The following ZCWPW2 variants were observed in gnomAD, a reference collection of about 807,000 sequenced individuals.
The protein encoded by ZCWPW2 is zinc finger CW-type PWWP domain protein 2.
Under a neutral mutation model 46.6 loss-of-function variants are expected in ZCWPW2, and 45 were observed. That is an observed-to-expected ratio of 0.96 (90% CI 0.76 to 1.24). The LOEUF is 1.24. ZCWPW2 is among the 50% of genes most tolerant of loss of function. The pLI is 0.00. For synonymous variants in ZCWPW2, 152 were observed against 137.1 expected (o/e 1.11, Z -0.76); for missense variants, 429 against 403.9 (o/e 1.06, Z -0.53).
At chr3:28,354,331 A>G (rs1317863922) in intron 1 of ZCWPW2, among the ~76,000 whole-genome samples, 1 of 147,444 alleles carries the variant, frequency 6.8e-6, no homozygotes, top group African/African-American at 2.5e-5. Context: ...TGAATAGACC[A>G]ATAACAGGCT....
At chr3:28,465,488 G>A (rs929306501) in intron 4 of ZCWPW2, among the ~76,000 whole-genome samples, 1 of 152,040 alleles carries the variant, frequency 6.6e-6, no homozygotes. Flanking sequence ...TTAAATAAAT[G>A]CGAATTACTT....
At chr3:28,391,084 A>C (rs981187086) in intron 2 of ZCWPW2, among the ~76,000 whole-genome samples, 3 of 152,172 alleles carry the variant, frequency 2.0e-5, no homozygotes, top group African/African-American at 7.2e-5. Context: ...TTAGACTAAA[A>C]TTATTTTCAA....
chr3:28,513,896 C>T (rs1012022458), intron 6 of ZCWPW2, among the ~76,000 whole-genome samples, 168 bp from the exon 7 acceptor site: 1 of 151,680 alleles, frequency 6.6e-6, no homozygotes, highest in Non-Finnish European at 1.5e-5. Flanking sequence ...CTGATCCATG[C>T]AATTGCCGTG....
rs941817749 is a variant in ZCWPW2 at position 28,438,448 on chromosome 3, A to G, written c.492+3179A>G. 3.9e-5 allele frequency among the ~76,000 whole-genome samples: 6 copies of G among 152,244 alleles called. No homozygotes were observed. The South Asian group carries it at 8.3e-4, about 21-fold the overall frequency. On this transcript the variant is annotated intron_variant, in intron 4 of 9. Coordinates refer to ENST00000383768, the MANE Select transcript of ZCWPW2 (RefSeq NM_001040432.4). Reference sequence around the variant, plus strand: ...GCAGAGGGAAAGGTGCAGGTTCAGAAAAGACCTGAGTGGACTTAAAGTTTT... The same window carrying G: ...GCAGAGGGAAAGGTGCAGGTTCAGAGAAGACCTGAGTGGACTTAAAGTTTT...
chr3:28,352,940 T>C (rs1704611809), intron 1 of ZCWPW2, among the ~76,000 whole-genome samples: 2 of 152,106 alleles, frequency 1.3e-5, no homozygotes, highest in African/African-American at 4.8e-5. Flanking sequence ...TCCCAGCACT[T>C]TGGGAGGCTG....
chr3:28,448,668 C>T lies in ZCWPW2; in HGVS notation c.492+13399C>T, dbSNP rs140823467. 4.3e-3 allele frequency among the ~76,000 whole-genome samples: 648 copies of T among 151,382 alleles called. 10 individuals carry two copies. Among genetic ancestry groups the T allele is most frequent in the African/African-American group, 0.015 (617 of 41,288 alleles). On this transcript the variant is annotated intron_variant, in intron 4 of 9. Transcript: ENST00000383768. ...GGCATGTTGGCGCATGCCTATAATA[C>T]GAGCTACCCGAGTGGCTGAGGCATG... is the stretch of plus-strand genomic sequence containing the variant.
At chr3:28,380,475 T>G (rs995030973) in intron 1 of ZCWPW2, among the ~76,000 whole-genome samples, 3 of 152,220 alleles carry the variant, frequency 2.0e-5, no homozygotes, top group African/African-American at 7.2e-5. Flanking sequence ...ATCCATTTCC[T>G]TGCTTTATCA....
chr3:28,443,064 C>A (rs1374077964), intron 4 of ZCWPW2, among the ~76,000 whole-genome samples: 1 of 152,090 alleles, frequency 6.6e-6, no homozygotes, highest in East Asian at 1.9e-4. Context: ...GGGGAAATGA[C>A]CGTAGGATGA....
intron 1 of ZCWPW2, among the ~76,000 whole-genome samples, chr3:28,373,303 T>A (rs1016190896): frequency 5.3e-5 from 8 of 152,190 alleles, no homozygotes; most frequent in African/African-American, 1.9e-4. Flanking sequence ...TTTCTCCACA[T>A]CCTTACCAGC....
intron 4 of ZCWPW2, among the ~76,000 whole-genome samples, chr3:28,451,384 C>G (rs947217032): frequency 2.6e-5 from 4 of 152,208 alleles, no homozygotes; most frequent in Non-Finnish European, 5.9e-5. Flanking sequence ...ATCCATATAT[C>G]AAGTCCAAAT....
At chr3:28,442,594 T>C (rs1697810194) in intron 4 of ZCWPW2, among the ~76,000 whole-genome samples, 1 of 152,120 alleles carries the variant, frequency 6.6e-6, no homozygotes, top group Non-Finnish European at 1.5e-5. Flanking sequence ...TGAAGGCAAA[T>C]TGCTTCTGGT....
At chr3:28,522,963 T>A (rs1369638937) in intron 9 of ZCWPW2, among the ~76,000 whole-genome samples, 1 of 152,192 alleles carries the variant, frequency 6.6e-6, no homozygotes, top group Non-Finnish European at 1.5e-5. Flanking sequence ...TACAGCCAGA[T>A]TGATCTTTAT....
At chr3:28,478,958 T>C (rs998393041) in intron 5 of ZCWPW2, 27 bp downstream of exon 5, 14 of 1,406,750 alleles carry the variant, frequency 1.0e-5, no homozygotes, top group Non-Finnish European at 1.4e-5. Flanking sequence ...TCTTTATTAC[T>C]CTGAAATAAG....
intron 4 of ZCWPW2, among the ~76,000 whole-genome samples, chr3:28,462,688 C>T (rs1167020105): frequency 2.6e-5 from 4 of 152,166 alleles, no homozygotes; most frequent in Admixed American, 1.3e-4. Context: ...GATTATTTCT[C>T]TTGTAGAGGA....
chr3:28,397,988 T>G (rs140203161), intron 2 of ZCWPW2: 1 of 152,316 alleles, frequency 6.6e-6, no homozygotes, highest in East Asian at 1.9e-4. Context: ...AGGTAATTAT[T>G]CTGTTTCTGT....
At chr3:28,484,882 C>T (rs1228255740) in intron 5 of ZCWPW2, among the ~76,000 whole-genome samples, 4 of 152,066 alleles carry the variant, frequency 2.6e-5, no homozygotes, top group African/African-American at 9.7e-5. Flanking sequence ...TGATTTTTCT[C>T]TGTCTACTGT....
chr3:28,438,307 C>T (rs1697582216), intron 4 of ZCWPW2, among the ~76,000 whole-genome samples: 1 of 152,136 alleles, frequency 6.6e-6, no homozygotes, highest in Non-Finnish European at 1.5e-5. Context: ...GGGCTGGCAC[C>T]CTTTTGCACC....
At chr3:28,395,339 A>G (rs184102820) in intron 2 of ZCWPW2, among the ~76,000 whole-genome samples, 1 of 152,264 alleles carries the variant, frequency 6.6e-6, no homozygotes, top group African/African-American at 2.4e-5. Context: ...GTTGTGGAAA[A>G]CAGTATGGAG....
At position 28,524,878 on chromosome 3, in the gene ZCWPW2, T is replaced by C; in HGVS notation, c.*190T>C. 1 of 361,592 alleles carries C rather than the reference T, an allele frequency of 2.8e-6. No individual in the cohort carries two copies. The highest frequency in any genetic ancestry group is 4.5e-6 in the Non-Finnish European group (1 of 222,096). 22.4% of individuals were successfully genotyped at this position (361,592 alleles called of 1,614,324 possible). On this transcript the variant is annotated 3_prime_UTR_variant, in exon 10 of 10. Coordinates refer to ENST00000383768, the MANE Select transcript of ZCWPW2 (RefSeq NM_001040432.4). ...GCCAGTCAAATGGTATTTAAGTTAG[T>C]GTTAAAAATTTAGAATTAAAAAACC...
Sources: allele counts gnomAD v4.1 joint callset (sites outside exome capture counted in the v4.1 genomes callset), GRCh38; gene constraint gnomAD v4.1.1; transcripts MANE v1.5; gene names NCBI Gene and HGNC (gene_info 2026-07-23, HGNC 2026-07-21).